Variants in NFKBIZ observed in about 807,000 individuals in gnomAD.
NFKBIZ encodes NF-kappa-B inhibitor zeta.
NFKBIZ carries 19 observed loss-of-function variants against 76.8 expected under a neutral mutation model. That is an observed-to-expected ratio of 0.25 (90% CI 0.17 to 0.36). The LOEUF (loss-of-function observed/expected upper bound fraction) is 0.36, where lower values mean the gene tolerates loss of function less well. Ranked by LOEUF, NFKBIZ falls within the 10% of genes least tolerant of loss-of-function variation. NFKBIZ has a pLI of 1.00. For missense variants in NFKBIZ, 829 were observed against 910.9 expected (o/e 0.91, Z 1.16); for synonymous variants, 368 against 354.8 (o/e 1.04, Z -0.42).
At chr3:101,853,988 G>T in intron 5 of NFKBIZ, 125 bp downstream of exon 5, 1 of 890,722 alleles carries the variant, frequency 1.1e-6, no homozygotes. Context: ...CAAGATGACT[G>T]GTGTAGATAG....
At position 101,853,797 on chromosome 3, in the gene NFKBIZ, A is replaced by G. The variant is rs771476238; in HGVS notation, c.1271A>G (p.Gln424Arg). Residue 424 changes from glutamine to arginine, a missense_variant, in exon 5 of 12, where the codon CAG becomes CGG. Physicochemically the swap from Gln to Arg is conservative, Grantham distance 43. Coordinates refer to ENST00000326172, the MANE Select transcript of NFKBIZ (RefSeq NM_031419.4). Reference sequence around the variant, plus strand: ...TCACTTTTTCAGTGGCAGGTGGAGCAGGAAGAAAGCAAATTGGCAAATATT... The same window carrying G: ...TCACTTTTTCAGTGGCAGGTGGAGCGGGAAGAAAGCAAATTGGCAAATATT... The part of the protein sequence containing the change: ...GKSLFQWQVE[Q>R]EESKLANISQ... 2 of 1,613,956 alleles carry G rather than the reference A, an allele frequency of 1.2e-6. No individual in the cohort carries two copies. Among genetic ancestry groups the G allele is most frequent in the Non-Finnish European group, 1.7e-6 (2 of 1,180,042 alleles).
In NFKBIZ at chr3:101,849,680, G is replaced by A. The variant is rs1320037067; in HGVS notation, c.52G>A (p.Asp18Asn). The A allele has an allele frequency of 1.4e-6, 2 of 1,395,094 alleles. No individual in the cohort carries two copies. The highest frequency in any genetic ancestry group is 1.8e-6 in the Non-Finnish European group (2 of 1,082,580). The allele number at this position is 1,395,094 out of a possible 1,614,324, so 86.4% of individuals were successfully genotyped here. A position where few individuals can be genotyped will look rare whatever the true frequency, so the allele number is the denominator to read the frequency against. Residue 18 changes from aspartate to asparagine, a missense_variant, in exon 1 of 12, where the codon GAC becomes AAC. Coordinates refer to ENST00000326172, the MANE Select transcript of NFKBIZ (RefSeq NM_031419.4). ...CAGCCGCGGCGGAGAGGGGCTGCGGGACGCGGCGGGCGGCTGCGGCCTCAT... is the reference window on the plus strand; with the variant it reads ...CAGCCGCGGCGGAGAGGGGCTGCGGAACGCGGCGGGCGGCTGCGGCCTCAT... ...DDSRGGEGLR[D>N]AAGGCGLMTS...
At chr3:101,844,252 C>T (rs1319000128) in intron 2 of NFKBIZ, among the ~76,000 whole-genome samples, 1 of 152,238 alleles carries the variant, frequency 6.6e-6, no homozygotes, top group African/African-American at 2.4e-5. Flanking sequence ...GCACAAACTT[C>T]TATGCATATT....
intron 2 of NFKBIZ, among the ~76,000 whole-genome samples, chr3:101,833,319 G>A (rs563518304): frequency 1.8e-4 from 28 of 152,232 alleles, no homozygotes; most frequent in African/African-American, 5.3e-4. Flanking sequence ...TTTGAAGATA[G>A]GAATTGTGTG....
chr3:101,841,625 T>C (rs1002341307), intron 2 of NFKBIZ, among the ~76,000 whole-genome samples: 2 of 152,228 alleles, frequency 1.3e-5, no homozygotes, highest in African/African-American at 4.8e-5. Context: ...TAAATGTTTC[T>C]TGAGATGTTG....
At chr3:101,844,692 T>C (rs116124523), upstream of NFKBIZ, among the ~76,000 whole-genome samples, 1,484 of 152,322 alleles carry the variant, frequency 9.7e-3, 24 homozygotes, top group African/African-American at 0.033. Context: ...AAGTGCAATT[T>C]TGCAGACAAA....
intron 1 of NFKBIZ, among the ~76,000 whole-genome samples, chr3:101,828,670 G>A (rs1364414743): frequency 6.6e-6 from 1 of 152,174 alleles, no homozygotes; most frequent in Non-Finnish European, 1.5e-5. Flanking sequence ...TCTTACAGCT[G>A]TAAAATTAAA....
chr3:101,859,259 A>G (rs1052133396), intron 11 of NFKBIZ, 59 bp from the exon 12 acceptor site: 6 of 1,356,206 alleles, frequency 4.4e-6, no homozygotes, highest in Middle Eastern at 1.8e-4. Flanking sequence ...CTCAGAAGGA[A>G]ATACACCACA....
chr3:101,834,522 G>A (rs950012154), intron 2 of NFKBIZ, among the ~76,000 whole-genome samples: 2 of 151,996 alleles, frequency 1.3e-5, no homozygotes, highest in African/African-American at 4.8e-5. Flanking sequence ...CACCACGCCC[G>A]GCTAATTTTT....
At chr3:101,836,124 T>G (rs1320274296) in intron 2 of NFKBIZ, among the ~76,000 whole-genome samples, 1 of 151,556 alleles carries the variant, frequency 6.6e-6, no homozygotes, top group African/African-American at 2.4e-5. Flanking sequence ...AGGGACAGAG[T>G]GGGGAATATG....
intron 2 of NFKBIZ, among the ~76,000 whole-genome samples, chr3:101,837,063 A>G (rs538335593): frequency 6.6e-6 from 1 of 152,214 alleles, no homozygotes; most frequent in South Asian, 2.1e-4. Flanking sequence ...TCATATGAAC[A>G]TAAGAAATCT....
At position 101,859,406 on chromosome 3, in the gene NFKBIZ, C is replaced by G; in HGVS notation, c.*35C>G. The stretch of plus-strand genomic sequence containing the variant: ...CTTGGAGCCTGGCTAGCAACACTCA[C>G]TGTCAGTTAGGCAGTCCTGATGTAT... On this transcript the variant is annotated 3_prime_UTR_variant, in exon 12 of 12. Transcript: ENST00000326172. The G allele has an allele frequency of 6.3e-7, 1 of 1,585,144 alleles. No homozygotes were observed. Among genetic ancestry groups the G allele is most frequent in the Non-Finnish European group, 8.7e-7 (1 of 1,153,768 alleles).
Position 101,853,278 on chromosome 3 carries a change from C to T in NFKBIZ, c.752C>T (p.Ala251Val). The T allele has an allele frequency of 6.2e-7, 1 of 1,614,188 alleles. No individual in the cohort carries two copies. The highest frequency in any genetic ancestry group is 8.5e-7 in the Non-Finnish European group (1 of 1,180,028). Reference sequence around the variant, plus strand: ...GTGGTGGTCCCTCAGAGCTCCCCCGCAGAGCAGTGTCAGGACTTCCATGGA... The same window carrying T: ...GTGGTGGTCCCTCAGAGCTCCCCCGTAGAGCAGTGTCAGGACTTCCATGGA... ...NPVVVPQSSP[A>V]EQCQDFHGGQ... Residue 251 changes from alanine (A) to valine (V), a missense_variant, in exon 5 of 12, where the codon GCA becomes GTA. Physicochemically the swap from Ala to Val is moderately conservative, Grantham distance 64 (BLOSUM62 0). Coordinates refer to ENST00000326172, the MANE Select transcript of NFKBIZ (RefSeq NM_031419.4).
upstream of NFKBIZ, among the ~76,000 whole-genome samples, chr3:101,847,432 C>T (rs1942867563): frequency 6.6e-6 from 1 of 152,198 alleles, no homozygotes; most frequent in African/African-American, 2.4e-5. Context: ...TTGTGAGAAA[C>T]AAGGAAATAC....
chr3:101,849,345 G>A, upstream of NFKBIZ: 1 of 286,850 alleles, frequency 3.5e-6, no homozygotes, highest in Non-Finnish European at 6.5e-6. Flanking sequence ...GGGCGAGGGC[G>A]GAGGGCGGAG....
chr3:101,842,810 T>TGATC (rs1485210723), intron 2 of NFKBIZ, among the ~76,000 whole-genome samples: 4 of 151,038 alleles, frequency 2.6e-5, no homozygotes, highest in African/African-American at 9.7e-5. Context: ...GCTGGATGGG[T>TGATC]GATCATTTGC....
At chr3:101,857,695 C>T in intron 11 of NFKBIZ, 1 of 985,392 alleles carries the variant, frequency 1.0e-6, no homozygotes, top group South Asian at 4.7e-5. Context: ...AGGTAGTATT[C>T]TGTGACACAC....
In NFKBIZ at chr3:101,852,092, C is replaced by T. The variant is rs1942973564; in HGVS notation, c.297C>T (p.Pro99=). 6.2e-7 allele frequency: 1 copy of T among 1,613,964 alleles called. No homozygotes were observed. Residue 99 remains proline, a synonymous_variant, in exon 2 of 12, where the codon CCC becomes CCT. Transcript: ENST00000326172. ...GARAERQPVE[P]HMGVGRQQRG... is the part of the protein sequence containing the mutation. ...TTGTTTTCTTTTGAACAGTTGAGCC[C>T]CATATGGGGGTTGGCAGGCAGCAGA...
intron 9 of NFKBIZ, 39 bp from the exon 10 acceptor site, chr3:101,857,034 T>C (rs1445665041): frequency 4.3e-6 from 2 of 466,548 alleles, no homozygotes; most frequent in Non-Finnish European, 6.3e-6. Context: ...AGTATCTGGA[T>C]TTTTTTTTTT....
Sources: gnomAD v4.1 joint callset for allele counts (sites outside exome capture counted in the v4.1 genomes callset) on GRCh38, gnomAD v4.1.1 for gene constraint, MANE v1.5 for transcripts, NCBI Gene and HGNC (gene_info 2026-07-23, HGNC 2026-07-21) for gene names.